The following OR5AR1 variants were observed in gnomAD, a reference collection of about 807,000 sequenced individuals.
OR5AR1 encodes the protein olfactory receptor family 5 subfamily AR member 1, also known as olfactory receptor 5AR1.
OR5AR1 carries 19 observed loss-of-function variants against 12.3 expected under a neutral mutation model. The observed-to-expected ratio is 1.55, with a 90% CI of 1.08 to 2.27. OR5AR1 has a LOEUF of 2.27. Ranked by LOEUF, OR5AR1 falls within the 30% of genes most tolerant of loss-of-function variation. OR5AR1 has a pLI of 0.00. For missense variants in OR5AR1, 432 were observed against 378.4 expected (o/e 1.14, Z -1.18); for synonymous variants, 156 against 138.8 (o/e 1.12, Z -0.87).
In OR5AR1 at chr11:56,664,511, G is replaced by A; in HGVS notation, c.826G>A (p.Val276Met). The A allele has an allele frequency of 1.2e-6, 2 of 1,614,028 alleles. No homozygotes were observed. The highest frequency in any genetic ancestry group is 2.2e-5 in the South Asian group (2 of 91,076). Reference sequence around the variant, plus strand: ...CCTGGACCAAGACAAGTGGGCCTCTGTGTTCTACACGGTTATCATCCCCAT... The same window carrying A: ...CCTGGACCAAGACAAGTGGGCCTCTATGTTCTACACGGTTATCATCCCCAT... ...YSLDQDKWAS[V>M]FYTVIIPMLN... The change falls in exon 1 of 1, where the codon GTG (valine) becomes ATG (methionine). Residue 276 changes from valine to methionine, a missense_variant. Physicochemically the swap from Val to Met is conservative, Grantham distance 21. Coordinates refer to ENST00000624596, the MANE Select transcript of OR5AR1 (RefSeq NM_001004730.1).
In OR5AR1 at chr11:56,664,275, T is replaced by A; in HGVS notation, c.590T>A (p.Ile197Asn). 3.1e-6 allele frequency: 5 copies of A among 1,614,120 alleles called. No homozygotes were observed. The highest frequency in any genetic ancestry group is 4.2e-6 in the Non-Finnish European group (5 of 1,179,980). ...TGCTCAGACACCTACATCAGTGAGA[T>A]CTTGCTCTTCAGTCTGTGTGGCTTC... The part of the protein sequence containing the change: ...LSCSDTYISE[I>N]LLFSLCGFIE... Residue 197 changes from isoleucine (I) to asparagine (N), a missense_variant, in exon 1 of 1, where the codon ATC (isoleucine) becomes AAC (asparagine). Physicochemically the swap from Ile to Asn is moderately radical, Grantham distance 149. Coordinates refer to ENST00000624596, the MANE Select transcript of OR5AR1 (RefSeq NM_001004730.1).
At position 56,663,913 on chromosome 11, in the gene OR5AR1, C is replaced by T. The variant is rs1389546792; in HGVS notation, c.228C>T (p.Ala76=). The change falls in exon 1 of 1, where the codon GCC becomes GCT. Residue 76 remains alanine, a synonymous_variant. Coordinates refer to ENST00000624596, the MANE Select transcript of OR5AR1 (RefSeq NM_001004730.1). ...LSFVDLGYSS[A]IAPRMLADFL... Reference sequence around the variant, plus strand: ...TTGTTGACCTGGGCTACTCCTCAGCCATTGCCCCCAGGATGCTGGCTGACT... The same window carrying T: ...TTGTTGACCTGGGCTACTCCTCAGCTATTGCCCCCAGGATGCTGGCTGACT... 1.2e-6 allele frequency: 2 copies of T among 1,613,904 alleles called. No homozygotes were observed. Among genetic ancestry groups the T allele is most frequent in the Non-Finnish European group, 1.7e-6 (2 of 1,179,912 alleles).
At position 56,664,567 on chromosome 11, in the gene OR5AR1, C is replaced by G; in HGVS notation, c.882C>G (p.Asn294Lys). The change falls in exon 1 of 1, where the codon AAC (asparagine) becomes AAG (lysine). Residue 294 changes from asparagine to lysine, a missense_variant. Coordinates refer to ENST00000624596, the MANE Select transcript of OR5AR1 (RefSeq NM_001004730.1). The stretch of plus-strand genomic sequence containing the variant: ...ATCCCTTGATCTACAGTTTGCGGAA[C>G]AAGGATGTGAAAGCTGCTTTCAAAA... ...MLNPLIYSLRNKDVKAAFKKL... is the reference protein window; with the variant it reads ...MLNPLIYSLRKKDVKAAFKKL... The G allele has an allele frequency of 6.2e-7, 1 of 1,608,744 alleles. No homozygotes were observed. Among genetic ancestry groups the G allele is most frequent in the East Asian group, 2.2e-5 (1 of 44,764 alleles).
rs771268411 is a variant in OR5AR1, at chr11:56,664,342, CT to C, written c.660del (p.Phe220LeufsTer41). 6 of 1,613,988 alleles carry C rather than the reference CT, an allele frequency of 3.7e-6. No homozygotes were observed. The highest frequency in any genetic ancestry group is 1.7e-5 in the Admixed American group (1 of 59,974). On this transcript the variant is annotated frameshift_variant, in exon 1 of 1. Transcript: ENST00000624596. LOFTEE classifies it high-confidence loss of function. ...TILIIFISYT[F>X]ILVAIIRMRS... ...TCCTCATCATCTTCATCTCCTATAC[CT>C]TTATCCTTGTTGCAATCATCAGAAT...
rs758016846 is a variant in OR5AR1 at position 56,663,789 on chromosome 11, A to G, written c.104A>G (p.Tyr35Cys). ...IIFFVVFLIVYLVNVVGNIGM... is the reference protein window; with the variant it reads ...IIFFVVFLIVCLVNVVGNIGM... ...TTCTTCGTGGTCTTCCTCATAGTTT[A>G]CCTGGTTAATGTAGTGGGGAATATT... The change falls in exon 1 of 1, where the codon TAC (tyrosine) becomes TGC (cysteine). Residue 35 changes from tyrosine (Y) to cysteine (C), a missense_variant. Coordinates refer to ENST00000624596, the MANE Select transcript of OR5AR1 (RefSeq NM_001004730.1). 3.1e-6 allele frequency: 5 copies of G among 1,613,394 alleles called. No homozygotes were observed. Among genetic ancestry groups the G allele is most frequent in the Non-Finnish European group, 4.2e-6 (5 of 1,179,428 alleles).
At position 56,664,021 on chromosome 11, in the gene OR5AR1, C is replaced by T. The variant is rs201376224; in HGVS notation, c.336C>T (p.Cys112=). 67 of 1,613,948 alleles carry T rather than the reference C, an allele frequency of 4.2e-5. No homozygotes were observed. Among genetic ancestry groups the T allele is most frequent in the South Asian group, 1.3e-4 (12 of 91,080 alleles). The change falls in exon 1 of 1, where the codon TGC becomes TGT. Residue 112 remains cysteine (C), a synonymous_variant. Coordinates refer to ENST00000624596, the MANE Select transcript of OR5AR1 (RefSeq NM_001004730.1). ...AFFVGFVDAE[C]YVLAAMAYGR... is the part of the protein sequence containing the mutation. ...TTGTAGGTTTTGTGGATGCTGAGTG[C>T]TATGTCCTGGCAGCCATGGCCTATG...
chr11:56,664,438 C>T lies in OR5AR1; in HGVS notation c.753C>T (p.Phe251=), dbSNP rs1460029699. The T allele has an allele frequency of 3.1e-6, 5 of 1,614,028 alleles. No individual in the cohort carries two copies. The highest frequency in any genetic ancestry group is 2.2e-5 in the East Asian group (1 of 44,876). The change falls in exon 1 of 1, where the codon TTC becomes TTT. Residue 251 remains phenylalanine, a synonymous_variant. Transcript: ENST00000624596. The part of the protein sequence containing the change: ...CGSHLTGITL[F]YGTVMFMYLR... ...CTCACCTTACTGGCATCACCCTCTT[C>T]TATGGCACAGTCATGTTTATGTACC...
rs200684862 is a variant in OR5AR1, at chr11:56,664,183, G to A, written c.498G>A (p.Leu166=). 70 of 1,614,046 alleles carry A rather than the reference G, an allele frequency of 4.3e-5. No homozygotes were observed. The South Asian group carries it at 7.6e-4, about 17-fold the overall frequency. Residue 166 remains leucine (L), a synonymous_variant, in exon 1 of 1, where the codon CTG becomes CTA. Coordinates refer to ENST00000624596, the MANE Select transcript of OR5AR1 (RefSeq NM_001004730.1). ...CCCACACTACCCTCACCTTCAGCCT[G>A]AGTTACTGTGGTTCCAATATCATCA... ...LVAHTTLTFS[L]SYCGSNIINH...
Position 56,664,186 on chromosome 11 carries a change from T to A in OR5AR1, c.501T>A (p.Ser167Arg), listed in dbSNP as rs894792950. Residue 167 changes from serine to arginine, a missense_variant, in exon 1 of 1, where the codon AGT (serine) becomes AGA (arginine). Coordinates refer to ENST00000624596, the MANE Select transcript of OR5AR1 (RefSeq NM_001004730.1). ...VAHTTLTFSL[S>R]YCGSNIINHF... ...ACACTACCCTCACCTTCAGCCTGAG[T>A]TACTGTGGTTCCAATATCATCAATC... 6.2e-7 allele frequency: 1 copy of A among 1,614,028 alleles called. No homozygotes were observed. The highest frequency in any genetic ancestry group is 8.5e-7 in the Non-Finnish European group (1 of 1,179,996).
chr11:56,663,760 C>A lies in OR5AR1; in HGVS notation c.75C>A (p.Ile25=). 1 of 1,613,486 alleles carries A rather than the reference C, an allele frequency of 6.2e-7. No homozygotes were observed. Among genetic ancestry groups the A allele is most frequent in the Non-Finnish European group, 8.5e-7 (1 of 1,179,468 alleles). The part of the protein sequence containing the change: ...MGITQDPQME[I]IFFVVFLIVY... ...TCACCCAGGACCCTCAGATGGAGAT[C>A]ATCTTCTTCGTGGTCTTCCTCATAG... is the stretch of plus-strand genomic sequence containing the variant. The change falls in exon 1 of 1, where the codon ATC becomes ATA. Residue 25 remains isoleucine (I), a synonymous_variant. Transcript: ENST00000624596.
In OR5AR1 at chr11:56,664,420, T is replaced by C. The variant is rs1430062076; in HGVS notation, c.735T>C (p.Leu245=). 6.2e-7 allele frequency: 1 copy of C among 1,614,136 alleles called. No individual in the cohort carries two copies. The change falls in exon 1 of 1, where the codon CTT becomes CTC. Residue 245 remains leucine (L), a synonymous_variant. Coordinates refer to ENST00000624596, the MANE Select transcript of OR5AR1 (RefSeq NM_001004730.1). ...LKAFSTCGSH[L]TGITLFYGTV... Reference sequence around the variant, plus strand: ...CTTTCTCCACCTGCGGGTCTCACCTTACTGGCATCACCCTCTTCTATGGCA... The same window carrying C: ...CTTTCTCCACCTGCGGGTCTCACCTCACTGGCATCACCCTCTTCTATGGCA...
Position 56,664,457 on chromosome 11 carries a change from A to T in OR5AR1, c.772A>T (p.Met258Leu). 1.9e-6 allele frequency: 3 copies of T among 1,614,100 alleles called. No individual in the cohort carries two copies. The highest frequency in any genetic ancestry group is 2.5e-6 in the Non-Finnish European group (3 of 1,180,032). The change falls in exon 1 of 1, where the codon ATG (methionine) becomes TTG (leucine). Residue 258 changes from methionine (M) to leucine (L), a missense_variant. Physicochemically the swap from Met to Leu is conservative, Grantham distance 15. Transcript: ENST00000624596. ...CCTCTTCTATGGCACAGTCATGTTT[A>T]TGTACCTGAGGCCAACATCCAGCTA... ...ITLFYGTVMF[M>L]YLRPTSSYSL...
In OR5AR1 at chr11:56,664,317, T is replaced by A. The variant is rs1256607042; in HGVS notation, c.632T>A (p.Ile211Asn). ...TGTGGCTTCATTGAATTCAGCACCATCCTCATCATCTTCATCTCCTATACC... is the reference window on the plus strand; with the variant it reads ...TGTGGCTTCATTGAATTCAGCACCAACCTCATCATCTTCATCTCCTATACC... ...SLCGFIEFST[I>N]LIIFISYTFI... Residue 211 changes from isoleucine to asparagine, a missense_variant, in exon 1 of 1, where the codon ATC becomes AAC. By Grantham distance (149) the Ile-to-Asn change is moderately radical. Transcript: ENST00000624596. The A allele has an allele frequency of 6.2e-7, 1 of 1,613,968 alleles. No homozygotes were observed. Among genetic ancestry groups the A allele is most frequent in the Non-Finnish European group, 8.5e-7 (1 of 1,180,010 alleles).
At position 56,664,512 on chromosome 11, in the gene OR5AR1, T is replaced by C; in HGVS notation, c.827T>C (p.Val276Ala). 1 of 1,613,790 alleles carries C rather than the reference T, an allele frequency of 6.2e-7. No homozygotes were observed. The highest frequency in any genetic ancestry group is 8.5e-7 in the Non-Finnish European group (1 of 1,179,844). The change falls in exon 1 of 1, where the codon GTG becomes GCG. Residue 276 changes from valine to alanine, a missense_variant. By Grantham distance (64) the Val-to-Ala change is moderately conservative (BLOSUM62 0). Coordinates refer to ENST00000624596, the MANE Select transcript of OR5AR1 (RefSeq NM_001004730.1). ...CTGGACCAAGACAAGTGGGCCTCTGTGTTCTACACGGTTATCATCCCCATG... is the reference window on the plus strand; with the variant it reads ...CTGGACCAAGACAAGTGGGCCTCTGCGTTCTACACGGTTATCATCCCCATG... ...YSLDQDKWAS[V>A]FYTVIIPMLN...
rs776050793 is a variant in OR5AR1 at position 56,664,342 on chromosome 11, C to G, written c.657C>G (p.Thr219=). ...STILIIFISY[T]FILVAIIRMR... is the part of the protein sequence containing the mutation. Reference sequence around the variant, plus strand: ...TCCTCATCATCTTCATCTCCTATACCTTTATCCTTGTTGCAATCATCAGAA... The same window carrying G: ...TCCTCATCATCTTCATCTCCTATACGTTTATCCTTGTTGCAATCATCAGAA... Residue 219 remains threonine (T), a synonymous_variant, in exon 1 of 1, where the codon ACC becomes ACG. Coordinates refer to ENST00000624596, the MANE Select transcript of OR5AR1 (RefSeq NM_001004730.1). 1.2e-6 allele frequency: 2 copies of G among 1,614,106 alleles called. No individual in the cohort carries two copies. Among genetic ancestry groups the G allele is most frequent in the Non-Finnish European group, 1.7e-6 (2 of 1,180,028 alleles).
Position 56,664,136 on chromosome 11 carries a change from G to A in OR5AR1, c.451G>A (p.Ala151Thr). ...GGCTCTCATGCTGGGCTCTTACCTGGCTGGTCTAGTGAGTTTAGTAGCCCA... is the reference window on the plus strand; with the variant it reads ...GGCTCTCATGCTGGGCTCTTACCTGACTGGTCTAGTGAGTTTAGTAGCCCA... The part of the protein sequence containing the change: ...CLALMLGSYL[A>T]GLVSLVAHTT... The change falls in exon 1 of 1, where the codon GCT becomes ACT. Residue 151 changes from alanine (A) to threonine (T), a missense_variant. Physicochemically the swap from Ala to Thr is moderately conservative, Grantham distance 58. Transcript: ENST00000624596. The A allele has an allele frequency of 6.2e-7, 1 of 1,613,982 alleles. No homozygotes were observed. The highest frequency in any genetic ancestry group is 1.7e-5 in the Admixed American group (1 of 59,986).
At position 56,663,705 on chromosome 11, in the gene OR5AR1, C is replaced by A; in HGVS notation, c.20C>A (p.Ser7Ter). 1.2e-6 allele frequency: 2 copies of A among 1,610,080 alleles called. No homozygotes were observed. Among genetic ancestry groups the A allele is most frequent in the South Asian group, 1.1e-5 (1 of 90,392 alleles). MDKENS[S>*]MVTEFIFMGI... ...GAAGCAATGGATAAAGAAAACAGCT[C>A]AATGGTGACTGAGTTTATCTTCATG... The change falls in exon 1 of 1, where the codon TCA (serine) becomes TAA (stop). Residue 7 changes from serine to a stop codon, truncating the protein, a stop_gained. Transcript: ENST00000624596. LOFTEE classifies it high-confidence loss of function.
In OR5AR1 at chr11:56,664,049, C is replaced by T. The variant is rs200490684; in HGVS notation, c.364C>T (p.Arg122Cys). 5.6e-5 allele frequency: 90 copies of T among 1,613,850 alleles called. 2 individuals are homozygous for T. The highest frequency in any genetic ancestry group is 6.9e-5 in the Non-Finnish European group (82 of 1,180,004). The change falls in exon 1 of 1, where the codon CGT becomes TGT. Residue 122 changes from arginine to cysteine, a missense_variant. Coordinates refer to ENST00000624596, the MANE Select transcript of OR5AR1 (RefSeq NM_001004730.1). Reference sequence around the variant, plus strand: ...TGTCCTGGCAGCCATGGCCTATGGTCGTTTTGTGGCCATTTGTCGACCCCT... The same window carrying T: ...TGTCCTGGCAGCCATGGCCTATGGTTGTTTTGTGGCCATTTGTCGACCCCT... ...CYVLAAMAYG[R>C]FVAICRPLHY...
Position 56,663,854 on chromosome 11 carries a change from A to C in OR5AR1, c.169A>C (p.Thr57Pro), listed in dbSNP as rs1857210152. 1 of 1,613,952 alleles carries C rather than the reference A, an allele frequency of 6.2e-7. No individual in the cohort carries two copies. The highest frequency in any genetic ancestry group is 2.2e-5 in the East Asian group (1 of 44,872). ...GATTACAACAGACACTCAGCTTCAC[A>C]CACCCATGTATTTTTTCCTCTGCAA... Reference protein sequence around the residue: ...ILITTDTQLHTPMYFFLCNLS... With the variant: ...ILITTDTQLHPPMYFFLCNLS... Residue 57 changes from threonine to proline, a missense_variant, in exon 1 of 1, where the codon ACA becomes CCA. Coordinates refer to ENST00000624596, the MANE Select transcript of OR5AR1 (RefSeq NM_001004730.1).
Sources: gnomAD v4.1 joint callset for allele counts on GRCh38, gnomAD v4.1.1 for gene constraint, MANE v1.5 for transcripts, NCBI Gene and HGNC (gene_info 2026-07-23, HGNC 2026-07-21) for gene names.